PCDHGA2: variants seen among roughly 807,000 people sequenced by gnomAD.
The protein encoded by PCDHGA2 is protocadherin gamma subfamily A, 2.
PCDHGA2 carries 40 observed loss-of-function variants against 59.2 expected under a neutral mutation model. The ratio of observed to expected loss-of-function variants is 0.68; its 90% CI spans 0.52 to 0.88. PCDHGA2 has a LOEUF of 0.88. Among genes scored for constraint, PCDHGA2 ranks in the 40% least tolerant of loss-of-function variants. The probability of loss-of-function intolerance (pLI) is 0.00; values close to 1 mark genes in which losing one functional copy is unlikely to be tolerated. For missense variants in PCDHGA2, 1,226 were observed against 1,204.0 expected (o/e 1.02, Z -0.27); for synonymous variants, 560 against 526.0 (o/e 1.06, Z -0.89).
intron 1 of PCDHGA2, chr5:141,366,387 A>T: frequency 6.2e-7 from 1 of 1,614,088 alleles, no homozygotes. Flanking sequence ...GACCCTGAGG[A>T]TCTGGACCTC....
At position 141,373,993 on chromosome 5, in the gene PCDHGA2, G is replaced by A. The variant is rs1770007177; in HGVS notation, c.2424+32598G>A. ...TCGCATCCGGTCTCTGCTTGTTGAAGGACCTTCACCGCTATTTCTGAGAAG... is the reference window on the plus strand; with the variant it reads ...TCGCATCCGGTCTCTGCTTGTTGAAAGACCTTCACCGCTATTTCTGAGAAG... On this transcript the variant is annotated intron_variant, in intron 1 of 3. Coordinates refer to ENST00000394576, the MANE Select transcript of PCDHGA2 (RefSeq NM_018915.4). 3 of 1,234,728 alleles carry A rather than the reference G, an allele frequency of 2.4e-6. No homozygotes were observed. The Admixed American group carries it at 1.0e-4, about 42-fold the overall frequency. The allele number at this position is 1,234,728 out of a possible 1,614,324, so 76.5% of individuals were successfully genotyped here. A position where few individuals can be genotyped will look rare whatever the true frequency, so the allele number is the denominator to read the frequency against.
At chr5:141,505,532 G>A in intron 3 of PCDHGA2, 51 bp downstream of exon 3, 2 of 1,611,270 alleles carry the variant, frequency 1.2e-6, no homozygotes, top group Non-Finnish European at 1.7e-6. Context: ...GGGGTTCTGG[G>A]GTGCATCTCA....
At position 141,394,947 on chromosome 5, in the gene PCDHGA2, C is replaced by T. The variant is rs536743847; in HGVS notation, c.2424+53552C>T. The T allele has an allele frequency of 1.7e-5, 27 of 1,613,892 alleles. No homozygotes were observed. In the African/African-American group the frequency reaches 2.8e-4, roughly 17 times the overall value. Reference sequence around the variant, plus strand: ...CTTCCTCGCCTTTGTCGCTGTGCTTCTGGGGCTCAGGCTGAGGCGCTGGCA... The same window carrying T: ...CTTCCTCGCCTTTGTCGCTGTGCTTTTGGGGCTCAGGCTGAGGCGCTGGCA... On this transcript the variant is annotated intron_variant, in intron 1 of 3. Coordinates refer to ENST00000394576, the MANE Select transcript of PCDHGA2 (RefSeq NM_018915.4).
intron 1 of PCDHGA2, among the ~76,000 whole-genome samples, chr5:141,347,210 G>A (rs142266439): frequency 1.5e-5 from 2 of 133,888 alleles, no homozygotes; most frequent in East Asian, 4.2e-4. Flanking sequence ...CTGGAGTGCA[G>A]TGGCATGATC....
intron 1 of PCDHGA2, chr5:141,423,694 T>C (rs1008861889): frequency 1.3e-6 from 2 of 1,501,552 alleles, no homozygotes; most frequent in Middle Eastern, 1.8e-4. Flanking sequence ...TAATTGTTGG[T>C]GTCTTGGCAC....
At chr5:141,464,558 A>G (rs1276921889) in intron 1 of PCDHGA2, among the ~76,000 whole-genome samples, 2 of 152,176 alleles carry the variant, frequency 1.3e-5, no homozygotes, top group Non-Finnish European at 2.9e-5. Context: ...CCCATCTTGC[A>G]TTCCTACAAA....
chr5:141,488,210 A>G (rs2099673009), intron 1 of PCDHGA2, among the ~76,000 whole-genome samples: 1 of 152,192 alleles, frequency 6.6e-6, no homozygotes, highest in Admixed American at 6.5e-5. Context: ...ACTCATATCA[A>G]GTCCCTACTG....
Position 141,485,581 on chromosome 5 carries a change from G to C in PCDHGA2, c.2425-9226G>C. The C allele has an allele frequency of 6.2e-7, 1 of 1,612,458 alleles. No individual in the cohort carries two copies. The highest frequency in any genetic ancestry group is 8.5e-7 in the Non-Finnish European group (1 of 1,178,652). ...ATCACGCCCCCCGTTTTCCGCGGCA[G>C]CAGCTGGACTTGGAAATTGGGGAGG... On this transcript the variant is annotated intron_variant, in intron 1 of 3. Coordinates refer to ENST00000394576, the MANE Select transcript of PCDHGA2 (RefSeq NM_018915.4). This position sits in a 1 kb window ranked among gnomAD's most constrained non-coding sequence, Gnocchi z 5.7.
Position 141,476,464 on chromosome 5 carries a change from G to A in PCDHGA2, c.2425-18343G>A, listed in dbSNP as rs745664477. On this transcript the variant is annotated intron_variant, in intron 1 of 3. Transcript: ENST00000394576. This position sits in a 1 kb window ranked among gnomAD's most constrained non-coding sequence, Gnocchi z 7.6. ...TGGAGTTGGTAGTGGAGAACCCGCT[G>A]GAGCTGTTCAGCGTGGAAGTGGTGA... 3 of 1,614,140 alleles carry A rather than the reference G, an allele frequency of 1.9e-6. No homozygotes were observed. Among genetic ancestry groups the A allele is most frequent in the Non-Finnish European group, 2.5e-6 (3 of 1,180,014 alleles).
At chr5:141,383,288 T>A (rs1441416956) in intron 1 of PCDHGA2, 2 of 1,613,768 alleles carry the variant, frequency 1.2e-6, no homozygotes, top group Middle Eastern at 1.6e-4. Flanking sequence ...AATGACAACG[T>A]TCCAAGATTC....
At chr5:141,376,270 A>G (rs776888332) in intron 1 of PCDHGA2, 1 of 1,614,118 alleles carries the variant, frequency 6.2e-7, no homozygotes, top group African/African-American at 1.3e-5. Flanking sequence ...AGGCTTCGGG[A>G]GGTGGCTTAG....
At position 141,355,200 on chromosome 5, in the gene PCDHGA2, A is replaced by G. The variant is rs1351394647; in HGVS notation, c.2424+13805A>G. ...ACAGGCGACTCCGCGGCGGGGTTGT[A>G]ATGGCGGCGCCTCCTGCTCGCCCAG... On this transcript the variant is annotated intron_variant, in intron 1 of 3. Transcript: ENST00000394576. 11 of 1,596,952 alleles carry G rather than the reference A, an allele frequency of 6.9e-6. No homozygotes were observed. The East Asian group carries it at 2.2e-4, about 32-fold the overall frequency.
intron 1 of PCDHGA2, among the ~76,000 whole-genome samples, chr5:141,434,902 C>T (rs1591355042): frequency 6.6e-6 from 1 of 151,934 alleles, no homozygotes; most frequent in East Asian, 1.9e-4. Flanking sequence ...CCCCTTCCCT[C>T]ATACCTTATT....
chr5:141,491,783 A>C lies in PCDHGA2; in HGVS notation c.2425-3024A>C. 1 of 1,539,736 alleles carries C rather than the reference A, an allele frequency of 6.5e-7. No individual in the cohort carries two copies. The highest frequency in any genetic ancestry group is 1.2e-5 in the South Asian group (1 of 82,444). On this transcript the variant is annotated intron_variant, in intron 1 of 3. Coordinates refer to ENST00000394576, the MANE Select transcript of PCDHGA2 (RefSeq NM_018915.4). The surrounding 1 kb of genome is among the most constrained non-coding windows in gnomAD (Gnocchi z 6.9). ...CGTCCTCATAAGGGATTGAACTTGC[A>C]TCCACTCCTCTCCGGCCGGCTTGGT...
intron 1 of PCDHGA2, chr5:141,393,206 A>T: frequency 6.2e-7 from 1 of 1,613,588 alleles, no homozygotes; most frequent in East Asian, 2.2e-5. Context: ...ATAATAACCC[A>T]AAATTCCAGG....
At chr5:141,466,180 A>T (rs566514149) in intron 1 of PCDHGA2, among the ~76,000 whole-genome samples, 100 of 151,254 alleles carry the variant, frequency 6.6e-4, no homozygotes, top group African/African-American at 2.1e-3. Context: ...TTTTATTTTT[A>T]TTTTTTTTCA....
chr5:141,376,282 G>C (rs755455760), intron 1 of PCDHGA2: 10 of 1,614,096 alleles, frequency 6.2e-6, no homozygotes, highest in Non-Finnish European at 7.6e-6. Flanking sequence ...GTGGCTTAGC[G>C]AGCATGCCCG....
intron 1 of PCDHGA2, among the ~76,000 whole-genome samples, chr5:141,455,028 G>A (rs2098810519): frequency 6.6e-6 from 1 of 150,780 alleles, no homozygotes; most frequent in Non-Finnish European, 1.5e-5. Flanking sequence ...TAGCCAGGAT[G>A]GTCTCGATCT....
chr5:141,338,946 T>C lies in PCDHGA2; in HGVS notation c.-26T>C. The C allele has an allele frequency of 1.3e-6, 2 of 1,523,730 alleles. No homozygotes were observed. The highest frequency in any genetic ancestry group is 8.8e-7 in the Non-Finnish European group (1 of 1,135,894). 94.4% of individuals were successfully genotyped at this position (1,523,730 alleles called of 1,614,324 possible). ...TCCGCACTGGATGCTGGAAGTTGACTCGGAGAAAATTGCGACAGGAGGGAA... is the reference window on the plus strand; with the variant it reads ...TCCGCACTGGATGCTGGAAGTTGACCCGGAGAAAATTGCGACAGGAGGGAA... On this transcript the variant is annotated 5_prime_UTR_variant, in exon 1 of 4. Transcript: ENST00000394576.
Sources: gnomAD v4.1 joint callset for allele counts (sites outside exome capture counted in the v4.1 genomes callset) on GRCh38, gnomAD v4.1.1 for gene constraint, Gnocchi (gnomAD v3.1) non-coding constraint, MANE v1.5 for transcripts, NCBI Gene and HGNC (gene_info 2026-07-23, HGNC 2026-07-21) for gene names.